The following CHRNA7 variants were observed in gnomAD, a reference collection of about 807,000 sequenced individuals.
CHRNA7 encodes cholinergic receptor nicotinic alpha 7 subunit.
A neutral mutation model predicts 48.0 loss-of-function variants in CHRNA7; 17 were observed. The ratio of observed to expected loss-of-function variants is 0.35; its 90% CI spans 0.24 to 0.53. The LOEUF (loss-of-function observed/expected upper bound fraction) is 0.53. Among genes scored for constraint, CHRNA7 ranks in the 20% least tolerant of loss-of-function variants. The probability of loss-of-function intolerance (pLI) is 0.92; values close to 1 mark genes in which losing one functional copy is unlikely to be tolerated. For synonymous variants in CHRNA7, 75 were observed against 242.3 expected (o/e 0.31, Z 6.41); for missense variants, 155 against 577.7 (o/e 0.27, Z 7.50).
At chr15:32,036,503 T>C (rs1160289633) in intron 2 of CHRNA7, among the ~76,000 whole-genome samples, 1 of 152,172 alleles carries the variant, frequency 6.6e-6, no homozygotes, top group Non-Finnish European at 1.5e-5. Flanking sequence ...TCTAAGGAAA[T>C]CACAGACTAT....
In CHRNA7 at chr15:32,089,245, T is replaced by C. The variant is rs140393328; in HGVS notation, c.196-12058T>C. Reference sequence around the variant, plus strand: ...TATTCTTTCTGCTCTGCTCTCGCTTTTGGTGATTCAACTATATATGTGTTA... The same window carrying C: ...TATTCTTTCTGCTCTGCTCTCGCTTCTGGTGATTCAACTATATATGTGTTA... On this transcript the variant is annotated intron_variant, in intron 2 of 9. Transcript: ENST00000306901. 3.7e-3 allele frequency among the ~76,000 whole-genome samples: 567 copies of C among 152,342 alleles called. 4 individuals carry two copies. The highest frequency in any genetic ancestry group is 0.013 in the African/African-American group (533 of 41,580).
intron 2 of CHRNA7, among the ~76,000 whole-genome samples, chr15:32,057,018 A>C (rs1483666454): frequency 6.6e-6 from 1 of 152,188 alleles, no homozygotes; most frequent in Non-Finnish European, 1.5e-5. Flanking sequence ...CACAGAAGCA[A>C]ATTAGATAAT....
intron 4 of CHRNA7, among the ~76,000 whole-genome samples, chr15:32,140,489 A>G (rs1474720440): frequency 1.3e-5 from 2 of 152,184 alleles, no homozygotes; most frequent in South Asian, 2.1e-4. Context: ...TCCTTGAGAA[A>G]TCTTCCACTG....
intron 4 of CHRNA7, among the ~76,000 whole-genome samples, chr15:32,115,421 C>T (rs897494329): frequency 6.6e-5 from 10 of 152,054 alleles, no homozygotes; most frequent in Admixed American, 1.3e-4. Context: ...TCTCTGCCCC[C>T]CCTTGCTGGC....
intron 4 of CHRNA7, among the ~76,000 whole-genome samples, chr15:32,119,017 G>A (rs2050921648): frequency 1.3e-5 from 2 of 150,230 alleles, no homozygotes; most frequent in South Asian, 4.2e-4. Flanking sequence ...AGTGAGGGAA[G>A]AGAAAAAAAG....
rs762881799 is a variant in CHRNA7, at chr15:32,111,860, A to G, written c.311A>G (p.Asp104Gly). The G allele has an allele frequency of 1.2e-6, 2 of 1,613,664 alleles. No homozygotes were observed. Among genetic ancestry groups the G allele is most frequent in the East Asian group, 2.2e-5 (1 of 44,876 alleles). ...YPGVKTVRFPDGQIWKPDILL... is the reference protein window; with the variant it reads ...YPGVKTVRFPGGQIWKPDILL... ...GGGGTGAAGACTGTTCGTTTCCCAG[A>G]TGGCCAGATTTGGAAACCAGACATT... Residue 104 changes from aspartate to glycine, a missense_variant, in exon 4 of 10, where the codon GAT (aspartate) becomes GGT (glycine). By Grantham distance (94) the Asp-to-Gly change is moderately conservative. Transcript: ENST00000306901.
chr15:32,117,914 G>A (rs1244669427), intron 4 of CHRNA7, among the ~76,000 whole-genome samples: 2 of 152,064 alleles, frequency 1.3e-5, no homozygotes, highest in Non-Finnish European at 2.9e-5. Context: ...GGAAGGTGAT[G>A]TGGTTGCTAT....
Position 32,112,915 on chromosome 15 carries a change from T to C in CHRNA7, c.350+1016T>C, listed in dbSNP as rs539181490. On this transcript the variant is annotated intron_variant, in intron 4 of 9. Coordinates refer to ENST00000306901, the MANE Select transcript of CHRNA7 (RefSeq NM_000746.6). ...GCCCGTTTCTAGAAGAGTATCCTCT[T>C]CTCATTTGCTGCCACTTTTCTGCTT... Among the ~76,000 whole-genome samples the C allele has an allele frequency of 7.9e-5, 12 of 152,346 alleles. No individual in the cohort carries two copies. In the South Asian group the frequency reaches 2.5e-3, roughly 32 times the overall value.
At chr15:32,065,707 G>A (rs2049953444) in intron 2 of CHRNA7, among the ~76,000 whole-genome samples, 1 of 152,406 alleles carries the variant, frequency 6.6e-6, no homozygotes, top group African/African-American at 2.4e-5. Context: ...AAGCAGGGCT[G>A]TCAGCTGCCT....
At chr15:32,144,090 A>G (rs1196057377) in intron 4 of CHRNA7, among the ~76,000 whole-genome samples, 2 of 152,172 alleles carry the variant, frequency 1.3e-5, no homozygotes, top group East Asian at 3.8e-4. Context: ...TGCTTCCTTC[A>G]GGAGCTCTTG....
At chr15:32,067,827 C>A (rs2049990513) in intron 2 of CHRNA7, among the ~76,000 whole-genome samples, 2 of 152,110 alleles carry the variant, frequency 1.3e-5, no homozygotes, top group Non-Finnish European at 2.9e-5. Context: ...TCAATCCAGA[C>A]AAGATTGTTA....
intron 4 of CHRNA7, among the ~76,000 whole-genome samples, chr15:32,117,577 C>CTT: frequency 6.6e-6 from 1 of 152,190 alleles, no homozygotes; most frequent in African/African-American, 2.4e-5. Context: ...AGTCCTAGGA[C>CTT]TTGAGGGTCC....
At position 32,048,848 on chromosome 15, in the gene CHRNA7, C is replaced by G. The variant is rs535263377; in HGVS notation, c.195+17811C>G. ...CTGTAGACACTGCTTTGAATGCATC[C>G]CAGAGATTCTGGTATGTTGTGTCTT... On this transcript the variant is annotated intron_variant, in intron 2 of 9. Transcript: ENST00000306901. Among the ~76,000 whole-genome samples, 43 of 151,602 alleles carry G rather than the reference C, an allele frequency of 2.8e-4. No individual in the cohort carries two copies. The South Asian group carries it at 8.7e-3, about 31-fold the overall frequency.
At position 32,058,237 on chromosome 15, in the gene CHRNA7, T is replaced by A. The variant is rs113876881; in HGVS notation, c.195+27200T>A. On this transcript the variant is annotated intron_variant, in intron 2 of 9. Transcript: ENST00000306901. ...GGGTTGTTCGGACCCTCCATCCTCTTCCATGCACAAAGCAGTTAATGCAAA... is the reference window on the plus strand; with the variant it reads ...GGGTTGTTCGGACCCTCCATCCTCTACCATGCACAAAGCAGTTAATGCAAA... Among the ~76,000 whole-genome samples, 1,353 of 152,264 alleles carry A rather than the reference T, an allele frequency of 8.9e-3. 21 individuals carry two copies. Among genetic ancestry groups the A allele is most frequent in the African/African-American group, 0.031 (1,288 of 41,534 alleles).
intron 2 of CHRNA7, among the ~76,000 whole-genome samples, chr15:32,066,281 A>G (rs1429636706): frequency 7.2e-6 from 1 of 139,150 alleles, no homozygotes; most frequent in Non-Finnish European, 1.6e-5. Flanking sequence ...TTCACATTAT[A>G]GTATTTTTTT....
intron 2 of CHRNA7, among the ~76,000 whole-genome samples, chr15:32,060,825 A>C (rs2141204017): frequency 6.6e-6 from 1 of 152,324 alleles, no homozygotes; most frequent in East Asian, 1.9e-4. Context: ...TAATTGAGGA[A>C]AACCATCTGC....
chr15:32,114,036 ATATATATG>A (rs1206935198), intron 4 of CHRNA7, among the ~76,000 whole-genome samples: 2 of 80,270 alleles, frequency 2.5e-5, no homozygotes, highest in Non-Finnish European at 4.5e-5. Context: ...ATATATATAT[ATATATATG>A]TATATATATA....
At chr15:32,063,518 C>T (rs1359261486) in intron 2 of CHRNA7, among the ~76,000 whole-genome samples, 1 of 152,262 alleles carries the variant, frequency 6.6e-6, no homozygotes, top group Non-Finnish European at 1.5e-5. Flanking sequence ...CCTCTTCATA[C>T]ATTGATGTGT....
chr15:32,036,825 G>C (rs1282657726), intron 2 of CHRNA7, among the ~76,000 whole-genome samples: 1 of 140,316 alleles, frequency 7.1e-6, no homozygotes, highest in Non-Finnish European at 1.5e-5. Flanking sequence ...GTATATTTTT[G>C]ATGACAGTCC....
Sources: gnomAD v4.1 joint callset for allele counts (sites outside exome capture counted in the v4.1 genomes callset) on GRCh38, gnomAD v4.1.1 for gene constraint, MANE v1.5 for transcripts, NCBI Gene and HGNC (gene_info 2026-07-23, HGNC 2026-07-21) for gene names.